CADPS2: variants seen among roughly 807,000 people sequenced by gnomAD.
The protein encoded by CADPS2 is calcium-dependent secretion activator 2.
A neutral mutation model predicts 172.5 loss-of-function variants in CADPS2; 93 were observed. The observed-to-expected ratio is 0.54, with a 90% CI of 0.46 to 0.64. CADPS2 has a LOEUF of 0.64. Ranked by LOEUF, CADPS2 falls within the 30% of genes least tolerant of loss-of-function variation. The probability of loss-of-function intolerance (pLI) is 0.00; values close to 1 mark genes in which losing one functional copy is unlikely to be tolerated. For missense variants in CADPS2, 1,420 were observed against 1,565.9 expected, an observed-to-expected ratio of 0.91 and a Z score of 1.57; for synonymous variants, 546 against 555.2, an observed-to-expected ratio of 0.98 and a Z score of 0.23.
chr7:122,417,573 T>A (rs886848702), intron 17 of CADPS2, among the ~76,000 whole-genome samples: 3 of 152,188 alleles, frequency 2.0e-5, no homozygotes, highest in Non-Finnish European at 4.4e-5. Context: ...ATCTGTTTCA[T>A]GAACATTTCA....
At position 122,734,356 on chromosome 7, in the gene CADPS2, T is replaced by TAAAAAAAAAAAAAAAAAAAAAAA. The variant is rs558421546; in HGVS notation, c.453+2576_453+2598dup. 1.5e-3 allele frequency among the ~76,000 whole-genome samples: 68 copies of TAAAAAAAAAAAAAAAAAAAAAAA among 46,274 alleles called. 18 individuals are homozygous for TAAAAAAAAAAAAAAAAAAAAAAA. Among genetic ancestry groups the TAAAAAAAAAAAAAAAAAAAAAAA allele is most frequent in the East Asian group, 0.013 (13 of 970 alleles). The allele number at this position is 46,274 out of a possible 152,430, so 30.4% of individuals were successfully genotyped here. ...AATAACGATAGCATGCCAGAAATAG[T>TAAAAAAAAAAAAAAAAAAAAAAA]AAAAAAAAAAAAAAAAAAAAAAAAA... On this transcript the variant is annotated intron_variant, in intron 2 of 29. Coordinates refer to ENST00000449022, the MANE Select transcript of CADPS2 (RefSeq NM_017954.11).
chr7:122,405,950 A>AG (rs775138329), intron 20 of CADPS2, among the ~76,000 whole-genome samples: 3 of 152,192 alleles, frequency 2.0e-5, no homozygotes. Context: ...TCTTTTATAG[A>AG]TATAGCACCT....
intron 20 of CADPS2, among the ~76,000 whole-genome samples, chr7:122,404,446 T>C (rs2046376818): frequency 2.0e-5 from 3 of 152,210 alleles, no homozygotes; most frequent in African/African-American, 7.2e-5. Context: ...AGTGCCGCAA[T>C]AAACATACGT....
chr7:122,868,342 C>T (rs1049451226), intron 1 of CADPS2, among the ~76,000 whole-genome samples: 1 of 152,118 alleles, frequency 6.6e-6, no homozygotes, highest in African/African-American at 2.4e-5. Context: ...CAGACTCTCA[C>T]TTTAGTGTAG....
intron 2 of CADPS2, among the ~76,000 whole-genome samples, chr7:122,709,866 A>G (rs887608647): frequency 2.0e-5 from 3 of 151,882 alleles, no homozygotes; most frequent in African/African-American, 7.2e-5. Context: ...ATGAGAACAC[A>G]TGGACACAGG....
chr7:122,706,313 AAT>A (rs200870044), intron 2 of CADPS2, among the ~76,000 whole-genome samples: 24 of 5,808 alleles, frequency 4.1e-3, no homozygotes, highest in Non-Finnish European at 5.1e-3. Flanking sequence ...ATATTCAAGG[AAT>A]ATATATATAT....
intron 1 of CADPS2, among the ~76,000 whole-genome samples, chr7:122,757,156 T>TTTTA (rs80141549): frequency 0.22 from 33,390 of 151,664 alleles, 3,966 homozygotes; most frequent in Middle Eastern, 0.31. Context: ...TAGGTATAGT[T>TTTTA]TTTATTTATT....
In CADPS2 at chr7:122,508,449, G is replaced by GTTT. The variant is rs1205155217; in HGVS notation, c.1542+4797_1542+4799dup. ...TCCAGTTATTTATTTATTCATTTAA[G>GTTT]TTTTTTTTTTTTTTTTTTTTTTTTT... On this transcript the variant is annotated intron_variant, in intron 9 of 29. Transcript: ENST00000449022. 2.0e-3 allele frequency among the ~76,000 whole-genome samples: 137 copies of GTTT among 68,434 alleles called. 16 individuals carry two copies. The highest frequency in any genetic ancestry group is 3.7e-3 in the African/African-American group (72 of 19,714). The allele number at this position is 68,434 out of a possible 152,430, so 44.9% of individuals were successfully genotyped here.
intron 13 of CADPS2, among the ~76,000 whole-genome samples, chr7:122,472,678 C>T: frequency 6.6e-6 from 1 of 152,138 alleles, no homozygotes; most frequent in East Asian, 1.9e-4. Flanking sequence ...TCCGAGAGGA[C>T]ACTATCCCTT....
At chr7:122,836,830 G>C (rs185605763) in intron 1 of CADPS2, among the ~76,000 whole-genome samples, 1 of 152,210 alleles carries the variant, frequency 6.6e-6, no homozygotes, top group East Asian at 1.9e-4. Flanking sequence ...ATAATAATGG[G>C]AGACTTTAAC....
At chr7:122,830,993 C>G (rs1343069554) in intron 1 of CADPS2, among the ~76,000 whole-genome samples, 2 of 152,074 alleles carry the variant, frequency 1.3e-5, no homozygotes, top group African/African-American at 4.8e-5. Flanking sequence ...AGTCCAACAT[C>G]AGAATATTGT....
At chr7:122,821,445 A>G (rs367617404) in intron 1 of CADPS2, among the ~76,000 whole-genome samples, 10 of 151,984 alleles carry the variant, frequency 6.6e-5, no homozygotes, top group Non-Finnish European at 1.3e-4. Flanking sequence ...CATCAAGCTC[A>G]AGGATTTGCC....
chr7:122,338,052 C>A (rs1263435097), intron 28 of CADPS2, among the ~76,000 whole-genome samples: 1 of 152,170 alleles, frequency 6.6e-6, no homozygotes, highest in Admixed American at 6.6e-5. Context: ...TTTTTATCCA[C>A]CTTTAGTACA....
chr7:122,796,193 C>T (rs925050641), intron 1 of CADPS2, among the ~76,000 whole-genome samples: 20 of 152,154 alleles, frequency 1.3e-4, no homozygotes, highest in African/African-American at 4.8e-4. Context: ...TACACAACTG[C>T]TCAAAGCTAT....
chr7:122,319,993 C>A lies in CADPS2; in HGVS notation c.*172G>T. ...AACAAAAAAAGGAAACAAAAAAACC[C>A]CAAAATCTTGGCATTTCCCCTTTTA... On this transcript the variant is annotated 3_prime_UTR_variant, in exon 30 of 30. Transcript: ENST00000449022. 1.7e-6 allele frequency: 1 copy of A among 595,978 alleles called. No homozygotes were observed. The highest frequency in any genetic ancestry group is 2.5e-6 in the Non-Finnish European group (1 of 399,056). 36.9% of individuals were successfully genotyped at this position (595,978 alleles called of 1,614,324 possible).
At chr7:122,502,722 C>A (rs1477392005) in intron 9 of CADPS2, among the ~76,000 whole-genome samples, 2 of 151,984 alleles carry the variant, frequency 1.3e-5, no homozygotes, top group African/African-American at 2.4e-5. Context: ...ATAAAATAAA[C>A]CATATGCGTT....
At chr7:122,743,963 A>G (rs1248797601) in intron 1 of CADPS2, among the ~76,000 whole-genome samples, 2 of 152,224 alleles carry the variant, frequency 1.3e-5, no homozygotes, top group Admixed American at 1.3e-4. Flanking sequence ...TCGTATTCAA[A>G]TAAACTTTCC....
At chr7:122,374,293 A>G (rs1563179601) in intron 25 of CADPS2, among the ~76,000 whole-genome samples, 1 of 152,320 alleles carries the variant, frequency 6.6e-6, no homozygotes, top group East Asian at 1.9e-4. Flanking sequence ...AGTTGACATC[A>G]TATTCAGTGG....
intron 2 of CADPS2, among the ~76,000 whole-genome samples, chr7:122,700,114 C>T (rs761329851): frequency 2.3e-4 from 35 of 152,102 alleles, no homozygotes; most frequent in African/African-American, 7.5e-4. Flanking sequence ...CAAGCAGCCA[C>T]GCTGCTACTG....
Sources: allele counts gnomAD v4.1 joint callset (sites outside exome capture counted in the v4.1 genomes callset), GRCh38; gene constraint gnomAD v4.1.1; transcripts MANE v1.5; gene names NCBI Gene and HGNC (gene_info 2026-07-23, HGNC 2026-07-21).